The following SLC12A6 variants were observed in gnomAD, a reference collection of about 807,000 sequenced individuals.
The protein encoded by SLC12A6 is K-Cl cotransporter 3.
Under a neutral mutation model 135.3 loss-of-function variants are expected in SLC12A6, and 66 were observed. The observed-to-expected ratio is 0.49, with a 90% CI of 0.40 to 0.60. SLC12A6 has a LOEUF of 0.60. Among genes scored for constraint, SLC12A6 ranks in the 20% least tolerant of loss-of-function variants. The probability of loss-of-function intolerance (pLI) is 0.00; values close to 1 mark genes in which losing one functional copy is unlikely to be tolerated. For missense variants in SLC12A6, 1,058 were observed against 1,452.3 expected (o/e 0.73, Z 4.41); for synonymous variants, 513 against 508.8 (o/e 1.01, Z -0.11).
At chr15:34,306,336 A>G (rs1195561568) in intron 2 of SLC12A6, among the ~76,000 whole-genome samples, 1 of 151,966 alleles carries the variant, frequency 6.6e-6, no homozygotes, top group East Asian at 1.9e-4. Flanking sequence ...GTCTCCTTAC[A>G]TATGCCAGCC....
intron 2 of SLC12A6, among the ~76,000 whole-genome samples, chr15:34,294,058 T>G (rs1368090549): frequency 6.6e-6 from 1 of 152,252 alleles, no homozygotes. Context: ...CTATGCAGAT[T>G]GAATTTATTC....
intron 16 of SLC12A6, 134 bp from the exon 17 acceptor site, chr15:34,242,355 G>A: frequency 4.6e-6 from 3 of 659,290 alleles, no homozygotes; most frequent in African/African-American, 1.8e-5. Flanking sequence ...TAGAACTTTT[G>A]TAAAATGCAA....
chr15:34,310,669 T>TCC (rs1378214708), intron 2 of SLC12A6, among the ~76,000 whole-genome samples: 16 of 65,936 alleles, frequency 2.4e-4, no homozygotes, highest in Non-Finnish European at 3.1e-4. Context: ...TGTGTGTGTG[T>TCC]CCCCGTGTCC....
At chr15:34,262,241 C>T (rs551154268) in intron 3 of SLC12A6, among the ~76,000 whole-genome samples, 1 of 152,276 alleles carries the variant, frequency 6.6e-6, no homozygotes, top group African/African-American at 2.4e-5. Context: ...GTTTTTTACA[C>T]TGTGTGCCTT....
intron 2 of SLC12A6, among the ~76,000 whole-genome samples, chr15:34,308,931 A>C (rs1887954767): frequency 6.6e-6 from 1 of 152,188 alleles, no homozygotes; most frequent in African/African-American, 2.4e-5. Flanking sequence ...TGTGGCGAAA[A>C]ATAATGGCTT....
In SLC12A6 at chr15:34,236,760, C is replaced by CT; in HGVS notation, c.2989dup (p.Arg997LysfsTer37). 1 of 1,612,774 alleles carries CT rather than the reference C, an allele frequency of 6.2e-7. No individual in the cohort carries two copies. The highest frequency in any genetic ancestry group is 8.5e-7 in the Non-Finnish European group (1 of 1,178,742). The stretch of plus-strand genomic sequence containing the variant: ...CCGCATGTGCCGGAGCATCTGGGAC[C>CT]TTTGTTCCATCATCAAAGTGCGCTC... On this transcript the variant is annotated frameshift_variant, in exon 23 of 26. Coordinates refer to ENST00000354181, the MANE Select transcript of SLC12A6 (RefSeq NM_001365088.1). LOFTEE classifies it high-confidence loss of function.
At chr15:34,240,029 C>T (rs1282282711) in intron 19 of SLC12A6, among the ~76,000 whole-genome samples, 1 of 151,936 alleles carries the variant, frequency 6.6e-6, no homozygotes, top group Non-Finnish European at 1.5e-5. Context: ...ATACATGTGC[C>T]ATGTTGGTGT....
intron 2 of SLC12A6, among the ~76,000 whole-genome samples, chr15:34,294,786 C>T (rs1489607983): frequency 6.6e-6 from 1 of 151,892 alleles, no homozygotes; most frequent in Admixed American, 6.6e-5. Flanking sequence ...TAACTTGTGG[C>T]CTCAAGAGAT....
intron 3 of SLC12A6, among the ~76,000 whole-genome samples, chr15:34,272,733 C>T (rs1194346008): frequency 2.0e-5 from 3 of 152,202 alleles, no homozygotes; most frequent in Non-Finnish European, 1.5e-5. Context: ...TACAGTTCCC[C>T]AGGTATCCTT....
chr15:34,303,763 C>T (rs1896416687), intron 2 of SLC12A6, among the ~76,000 whole-genome samples: 1 of 152,100 alleles, frequency 6.6e-6, no homozygotes, highest in African/African-American at 2.4e-5. Flanking sequence ...TCCCTCTTAC[C>T]CTCTCTGCCC....
chr15:34,254,386 A>G lies in SLC12A6; in HGVS notation c.1080T>C (p.Ala360=). The G allele has an allele frequency of 1.9e-6, 3 of 1,613,938 alleles. No homozygotes were observed. The highest frequency in any genetic ancestry group is 3.3e-4 in the Middle Eastern group (2 of 6,062). The change falls in exon 9 of 26, where the codon GCT becomes GCC. Residue 360 remains alanine, a synonymous_variant. Transcript: ENST00000354181. ...CVIVSILAIY[A]GAIKSSFAPP... is the part of the protein sequence containing the mutation. The stretch of plus-strand genomic sequence containing the variant: ...GAGCAAAAGAAGACTTGATGGCTCC[A>G]GCATAGATGGCCAAGATGGACACAA...
intron 2 of SLC12A6, among the ~76,000 whole-genome samples, chr15:34,313,327 AG>A (rs1888396016): frequency 6.6e-6 from 1 of 152,250 alleles, no homozygotes; most frequent in Non-Finnish European, 1.5e-5. Context: ...GATATGAAGA[AG>A]GTTTTAGTGA....
chr15:34,284,348 C>T (rs1894902124), intron 2 of SLC12A6, among the ~76,000 whole-genome samples: 1 of 139,044 alleles, frequency 7.2e-6, no homozygotes, highest in African/African-American at 2.7e-5. Context: ...TCTCAGCTCA[C>T]TGCAACCTCT....
intron 24 of SLC12A6, 55 bp downstream of exon 24, chr15:34,235,960 A>G: frequency 7.3e-7 from 1 of 1,363,832 alleles, no homozygotes; most frequent in Non-Finnish European, 1.1e-6. Context: ...GCAAAGTCAC[A>G]TTTGTGCCAC....
At chr15:34,240,538 G>T in intron 19 of SLC12A6, 123 bp downstream of exon 19, 1 of 842,708 alleles carries the variant, frequency 1.2e-6, no homozygotes, top group Non-Finnish European at 2.0e-6. Flanking sequence ...TCAAAGGTCA[G>T]CACTAAGTGA....
chr15:34,291,199 C>T (rs60708162), intron 2 of SLC12A6, among the ~76,000 whole-genome samples: 5,962 of 152,212 alleles, frequency 0.039, 214 homozygotes, highest in African/African-American at 0.098. Context: ...TCTCTCAGCA[C>T]TTGCTTGTCT....
intron 25 of SLC12A6, 83 bp from the exon 26 acceptor site, chr15:34,234,055 A>G (rs1311769177): frequency 1.1e-5 from 9 of 786,124 alleles, no homozygotes; most frequent in Non-Finnish European, 2.3e-6. Flanking sequence ...TTATCTGATC[A>G]TAGAGCTACA....
intron 2 of SLC12A6, among the ~76,000 whole-genome samples, chr15:34,328,954 AAT>A (rs1287721364): frequency 4.6e-5 from 7 of 152,240 alleles, no homozygotes; most frequent in African/African-American, 1.7e-4. Flanking sequence ...TTTAACAGAG[AAT>A]AGCTTCTTGT....
intron 11 of SLC12A6, 66 bp downstream of exon 11, chr15:34,250,833 C>T (rs1322218928): frequency 1.7e-5 from 24 of 1,443,522 alleles, no homozygotes; most frequent in Non-Finnish European, 2.1e-5. Context: ...GAGAATTCTG[C>T]CTCCTGAGAA....
Sources: gnomAD v4.1 joint callset for allele counts (sites outside exome capture counted in the v4.1 genomes callset) on GRCh38, gnomAD v4.1.1 for gene constraint, MANE v1.5 for transcripts, NCBI Gene and HGNC (gene_info 2026-07-23, HGNC 2026-07-21) for gene names.